NBAS: variants seen among roughly 807,000 people sequenced by gnomAD.
NBAS encodes NBAS subunit of NRZ tethering complex.
NBAS carries 219 observed loss-of-function variants against 302.5 expected under a neutral mutation model. That is an observed-to-expected ratio of 0.72 (90% CI 0.65 to 0.81). The LOEUF is 0.81. Ranked by LOEUF, NBAS falls within the 30% of genes least tolerant of loss-of-function variation. The pLI, the probability that NBAS is intolerant of heterozygous loss-of-function variation, is 0.00. For missense variants in NBAS, 2,932 were observed against 2,841.6 expected (o/e 1.03, Z -0.72); for synonymous variants, 1,118 against 1,021.6 (o/e 1.09, Z -1.80).
intron 44 of NBAS, among the ~76,000 whole-genome samples, chr2:15,259,953 T>TTTAC (rs34950624): frequency 3.2e-5 from 1 of 30,912 alleles, no homozygotes; most frequent in African/African-American, 1.2e-3. Context: ...AGTATCTGGC[T>TTTAC]TTCTCTTTGA....
At chr2:14,911,862 A>G in the NBAS span, among the ~76,000 whole-genome samples, 1 of 152,224 alleles carries the variant, frequency 6.6e-6, no homozygotes, top group Admixed American at 6.5e-5. Flanking sequence ...CAGTGACACT[A>G]CCTAACATAT....
intron 9 of NBAS, among the ~76,000 whole-genome samples, chr2:15,523,318 G>A (rs1662766510): frequency 6.6e-6 from 1 of 152,154 alleles, no homozygotes; most frequent in South Asian, 2.1e-4. Context: ...ATCAACCACA[G>A]ATGAAAAATA....
chr2:15,413,754 C>T (rs1463301098), intron 25 of NBAS, among the ~76,000 whole-genome samples: 5 of 152,152 alleles, frequency 3.3e-5, no homozygotes, highest in Admixed American at 1.3e-4. Flanking sequence ...GAAAACTTTC[C>T]GCAGATCATG....
the NBAS span, among the ~76,000 whole-genome samples, chr2:15,023,391 T>C: frequency 6.6e-6 from 1 of 152,152 alleles, no homozygotes; most frequent in Non-Finnish European, 1.5e-5. Flanking sequence ...TCCTTACTTA[T>C]GAGTTCTTAA....
the NBAS span, among the ~76,000 whole-genome samples, chr2:15,131,636 T>A: frequency 6.6e-6 from 1 of 152,222 alleles, no homozygotes; most frequent in Non-Finnish European, 1.5e-5. Flanking sequence ...AGGGTACATG[T>A]GCACAAGGCT....
chr2:15,385,585 G>A (rs1261634146), intron 28 of NBAS, among the ~76,000 whole-genome samples: 3 of 152,168 alleles, frequency 2.0e-5, no homozygotes, highest in African/African-American at 7.2e-5. Flanking sequence ...TCCTGAACAC[G>A]AATGTATTAG....
chr2:15,055,964 C>T, the NBAS span, among the ~76,000 whole-genome samples: 1 of 152,080 alleles, frequency 6.6e-6, no homozygotes, highest in Admixed American at 6.5e-5. Context: ...GATTTACATT[C>T]CTTTTACTTG....
Position 15,396,464 on chromosome 2 carries a change from T to C in NBAS, c.3083A>G (p.Glu1028Gly). 2.5e-6 allele frequency: 4 copies of C among 1,597,740 alleles called. No individual in the cohort carries two copies. The highest frequency in any genetic ancestry group is 3.4e-6 in the Non-Finnish European group (4 of 1,173,378). Residue 1028 changes from glutamate to glycine, a missense_variant, in exon 27 of 52, where the codon GAG becomes GGG. Transcript: ENST00000281513. Reference sequence around the variant, plus strand: ...CATGTCATGAAGCTTTGTGGTTGCCTCTGTCTTATCACTAATAAATTAAAA... The same window carrying C: ...CATGTCATGAAGCTTTGTGGTTGCCCCTGTCTTATCACTAATAAATTAAAA... ...LPERGYGDKT[E>G]ATTKLHDMVD...
chr2:15,157,911 TCCAAGG>T, the NBAS span, among the ~76,000 whole-genome samples: 1 of 152,160 alleles, frequency 6.6e-6, no homozygotes, highest in Non-Finnish European at 1.5e-5. Flanking sequence ...GTTTTGAGAA[TCCAAGG>T]CCAAGCATGC....
At chr2:15,301,971 T>C (rs969026295) in intron 40 of NBAS, among the ~76,000 whole-genome samples, 1 of 152,210 alleles carries the variant, frequency 6.6e-6, no homozygotes, top group Non-Finnish European at 1.5e-5. Flanking sequence ...GGAGGATGTC[T>C]ACACCTCCAT....
At chr2:14,946,097 C>T in the NBAS span, among the ~76,000 whole-genome samples, 1 of 152,078 alleles carries the variant, frequency 6.6e-6, no homozygotes, top group Admixed American at 6.5e-5. Flanking sequence ...CTTCAAAAGA[C>T]CAAATCTAAG....
the NBAS span, among the ~76,000 whole-genome samples, chr2:14,883,806 C>CA: frequency 2.6e-5 from 4 of 151,690 alleles, no homozygotes; most frequent in Non-Finnish European, 5.9e-5. Flanking sequence ...CCCATCTCTA[C>CA]AAAAAATACC....
chr2:15,082,745 C>A, the NBAS span, among the ~76,000 whole-genome samples: 7 of 152,218 alleles, frequency 4.6e-5, no homozygotes, highest in Admixed American at 6.5e-5. Context: ...TAAGAACTAT[C>A]TTTTCCTAGG....
intron 6 of NBAS, among the ~76,000 whole-genome samples, chr2:15,548,912 A>T (rs888479878): frequency 6.6e-6 from 1 of 152,196 alleles, no homozygotes; most frequent in Non-Finnish European, 1.5e-5. Context: ...ACTAGAACAT[A>T]AGACATATAG....
the NBAS span, among the ~76,000 whole-genome samples, chr2:14,874,251 T>A: frequency 6.6e-6 from 1 of 152,160 alleles, no homozygotes; most frequent in Non-Finnish European, 1.5e-5. Flanking sequence ...TAATTCTACA[T>A]ATGTTTTTCC....
chr2:15,556,793 T>A lies in NBAS; in HGVS notation c.199A>T (p.Ile67Phe). 6.2e-7 allele frequency: 1 copy of A among 1,610,864 alleles called. No individual in the cohort carries two copies. The change falls in exon 3 of 52, where the codon ATC (isoleucine) becomes TTC (phenylalanine). Residue 67 changes from isoleucine to phenylalanine, a missense_variant. Transcript: ENST00000281513. ...RDRLLFLRQY[I>F]WYSPAPFLLP... The stretch of plus-strand genomic sequence containing the variant: ...GAACCGAAGACTCACCTGTACCAGA[T>A]GTATTGGCGTAAAAATAATAAACGA...
At chr2:15,510,816 C>T (rs955077046) in intron 10 of NBAS, among the ~76,000 whole-genome samples, 3 of 152,178 alleles carry the variant, frequency 2.0e-5, no homozygotes, top group African/African-American at 7.2e-5. Context: ...ACCTCATCAA[C>T]AGACTCGGGC....
the NBAS span, among the ~76,000 whole-genome samples, chr2:15,024,927 G>C: frequency 5.9e-5 from 9 of 152,094 alleles, no homozygotes; most frequent in African/African-American, 2.2e-4. Context: ...TGTTTACCCT[G>C]TTCATAGTTT....
intron 50 of NBAS, among the ~76,000 whole-genome samples, chr2:15,182,288 A>C (rs1275996792): frequency 1.3e-5 from 2 of 152,230 alleles, no homozygotes; most frequent in Admixed American, 6.5e-5. Flanking sequence ...CTTTGCTTTG[A>C]AATGCATCAT....
Sources: gnomAD v4.1 joint callset for allele counts (sites outside exome capture counted in the v4.1 genomes callset) on GRCh38, gnomAD v4.1.1 for gene constraint, MANE v1.5 for transcripts, NCBI Gene and HGNC (gene_info 2026-07-23, HGNC 2026-07-21) for gene names.